NSG2: variants seen among roughly 807,000 people sequenced by gnomAD.
The protein encoded by NSG2 is neuronal vesicle trafficking associated 2.
NSG2 carries 4 observed loss-of-function variants against 16.9 expected under a neutral mutation model. The observed-to-expected ratio is 0.24, with a 90% CI of 0.12 to 0.54. The LOEUF is 0.54. NSG2 is among the 20% of genes least tolerant of loss of function. The probability of loss-of-function intolerance (pLI) is 0.95; values close to 1 mark genes in which losing one functional copy is unlikely to be tolerated. For synonymous variants in NSG2, 98 were observed against 88.7 expected, an observed-to-expected ratio of 1.11 and a Z score of -0.59; for missense variants, 179 against 221.1, an observed-to-expected ratio of 0.81 and a Z score of 1.21.
At chr5:174,064,208 T>C (rs1760103295) in intron 2 of NSG2, 24 bp from the exon 3 acceptor site, 1 of 1,562,766 alleles carries the variant, frequency 6.4e-7, no homozygotes, top group Non-Finnish European at 8.8e-7. Flanking sequence ...CCATGCATGC[T>C]AACACACTGG....
Position 174,046,782 on chromosome 5 carries a change from C to A in NSG2, c.27C>A (p.Ser9Arg), listed in dbSNP as rs760047342. The change falls in exon 2 of 5, where the codon AGC becomes AGA. Residue 9 changes from serine (S) to arginine (R), a missense_variant. Physicochemically the swap from Ser to Arg is moderately radical, Grantham distance 110. Coordinates refer to ENST00000303177, the MANE Select transcript of NSG2 (RefSeq NM_015980.5). ...TGGTGAAGCTGAACAGTAACCCCAG[C>A]GAGAAGGGAACCAAGCCGCCTTCAG... MVKLNSNP[S>R]EKGTKPPSVE... The A allele has an allele frequency of 1.9e-6, 3 of 1,614,034 alleles. No individual in the cohort carries two copies. Among genetic ancestry groups the A allele is most frequent in the South Asian group, 1.1e-5 (1 of 91,064 alleles).
chr5:174,078,957 A>G (rs1760397716), intron 3 of NSG2, among the ~76,000 whole-genome samples: 2 of 152,170 alleles, frequency 1.3e-5, no homozygotes, highest in Non-Finnish European at 2.9e-5. Flanking sequence ...ACACACACAC[A>G]TGCACACGCA....
intron 3 of NSG2, among the ~76,000 whole-genome samples, chr5:174,080,527 C>CTTTCTCTCTCTCTCTCTCTCTCTCTT (rs1554101515): frequency 2.0e-4 from 17 of 84,952 alleles, no homozygotes; most frequent in African/African-American, 7.8e-4. Flanking sequence ...TTCTTTCTTT[C>CTTTCTCTCTCTCTCTCTCTCTCTCTT]TCTCTCTCTC....
At chr5:174,082,231 A>G (rs1250944299) in intron 3 of NSG2, 1 of 152,188 alleles carries the variant, frequency 6.6e-6, no homozygotes, top group East Asian at 1.9e-4. Context: ...AGTAGCTTCC[A>G]TGTCCGGAGC....
rs755414086 is a variant in NSG2 at position 174,064,293 on chromosome 5, T to C, written c.191T>C (p.Val64Ala). Residue 64 changes from valine (V) to alanine (A), a missense_variant, in exon 3 of 5, where the codon GTG becomes GCG. Physicochemically the swap from Val to Ala is moderately conservative, Grantham distance 64. Transcript: ENST00000303177. ...PEQKNKGKFR[V>A]PKIAEFTVTI... The stretch of plus-strand genomic sequence containing the variant: ...CAGAAGAACAAAGGGAAGTTCCGGG[T>C]GCCGAAAATCGCTGAATTTACGGTC... The C allele has an allele frequency of 2.5e-6, 4 of 1,611,428 alleles. No homozygotes were observed. Among genetic ancestry groups the C allele is most frequent in the Admixed American group, 1.7e-5 (1 of 59,950 alleles).
chr5:174,105,587 G>A (rs1760964668), intron 4 of NSG2, among the ~76,000 whole-genome samples: 1 of 152,188 alleles, frequency 6.6e-6, no homozygotes, highest in South Asian at 2.1e-4. Context: ...AACTCCATGT[G>A]TCCTTAGAAT....
In NSG2 at chr5:174,107,472, T is replaced by G; in HGVS notation, c.483T>G (p.His161Gln). The change falls in exon 5 of 5, where the codon CAT becomes CAG. Residue 161 changes from histidine (H) to glutamine (Q), a missense_variant. His to Gln is a conservative substitution (Grantham distance 24). Transcript: ENST00000303177. This position sits in a 1 kb window ranked among gnomAD's most constrained non-coding sequence, Gnocchi z 4.5. Reference protein sequence around the residue: ...GPWLSAAAVIHEPKPPKTQGH With the variant: ...GPWLSAAAVIQEPKPPKTQGH The stretch of plus-strand genomic sequence containing the variant: ...GGCTGTCAGCAGCCGCTGTCATCCA[T>G]GAGCCCAAGCCGCCCAAGACCCAGG... 6.2e-7 allele frequency: 1 copy of G among 1,612,126 alleles called. No homozygotes were observed. The highest frequency in any genetic ancestry group is 8.5e-7 in the Non-Finnish European group (1 of 1,178,604).
At chr5:174,049,066 A>G (rs537908895) in intron 2 of NSG2, among the ~76,000 whole-genome samples, 22 of 152,260 alleles carry the variant, frequency 1.4e-4, no homozygotes, top group African/African-American at 5.3e-4. Context: ...GAGGCTGGGC[A>G]TGGTGGCTCA....
intron 3 of NSG2, among the ~76,000 whole-genome samples, chr5:174,101,763 A>G (rs1760899327): frequency 6.6e-6 from 1 of 152,148 alleles, no homozygotes; most frequent in African/African-American, 2.4e-5. Context: ...ATTTTTTTAT[A>G]TCTCTACTCC....
chr5:174,049,212 T>C (rs1026034654), intron 2 of NSG2, among the ~76,000 whole-genome samples: 1 of 152,004 alleles, frequency 6.6e-6, no homozygotes, highest in Non-Finnish European at 1.5e-5. Context: ...TGGTGGTGGG[T>C]GCCTGTAGTC....
intron 3 of NSG2, among the ~76,000 whole-genome samples, chr5:174,070,331 G>T (rs1760216764): frequency 6.6e-6 from 1 of 152,176 alleles, no homozygotes; most frequent in African/African-American, 2.4e-5. Flanking sequence ...TTTTACAGGT[G>T]AGGAAACTAA....
chr5:174,097,579 GTC>G (rs1187470641), intron 3 of NSG2, among the ~76,000 whole-genome samples: 3 of 145,866 alleles, frequency 2.1e-5, no homozygotes, highest in Non-Finnish European at 4.5e-5. Context: ...CTGTGTGTGT[GTC>G]TGTGTGTGTG....
chr5:174,046,173 G>A (rs933251406), intron 1 of NSG2: 1 of 151,784 alleles, frequency 6.6e-6, no homozygotes, highest in Admixed American at 6.6e-5. Context: ...GTTCAAGCTA[G>A]CCTTTTTTTT....
chr5:174,067,188 T>C (rs532064372), intron 3 of NSG2, among the ~76,000 whole-genome samples: 6 of 152,298 alleles, frequency 3.9e-5, no homozygotes, highest in African/African-American at 1.4e-4. Context: ...AGCAGTGATA[T>C]AGGGCTATAT....
intron 2 of NSG2, among the ~76,000 whole-genome samples, chr5:174,047,528 A>G (rs1296609135): frequency 6.6e-6 from 1 of 152,228 alleles, no homozygotes; most frequent in Middle Eastern, 3.2e-3. Flanking sequence ...TTTAAAGGTG[A>G]GTAAAAACCC....
intron 2 of NSG2, among the ~76,000 whole-genome samples, chr5:174,055,613 T>C (rs1430642495): frequency 6.6e-6 from 1 of 151,662 alleles, no homozygotes; most frequent in African/African-American, 2.4e-5. Context: ...AAAATAAAAA[T>C]AAAAATAAAA....
chr5:174,092,207 C>T (rs1278889513), intron 3 of NSG2, among the ~76,000 whole-genome samples: 1 of 152,260 alleles, frequency 6.6e-6, no homozygotes, highest in Non-Finnish European at 1.5e-5. Flanking sequence ...TTAGTCAAGT[C>T]ATAGACCTGC....
intron 3 of NSG2, among the ~76,000 whole-genome samples, chr5:174,102,626 C>T (rs1182019295): frequency 1.6e-5 from 2 of 121,846 alleles, no homozygotes; most frequent in African/African-American, 4.4e-5. Flanking sequence ...CCTGATGGTG[C>T]CCCCACTTTG....
chr5:174,058,796 G>A (rs1486392075), intron 2 of NSG2, among the ~76,000 whole-genome samples: 1 of 152,234 alleles, frequency 6.6e-6, no homozygotes, highest in Non-Finnish European at 1.5e-5. Flanking sequence ...GTTCCAAAGA[G>A]CTAACACTTC....
Sources: allele counts gnomAD v4.1 joint callset (sites outside exome capture counted in the v4.1 genomes callset), GRCh38; gene constraint gnomAD v4.1.1; non-coding constraint Gnocchi (gnomAD v3.1); transcripts MANE v1.5; gene names NCBI Gene and HGNC (gene_info 2026-07-23, HGNC 2026-07-21).